The following FAM107B variants were observed in gnomAD, a reference collection of about 807,000 sequenced individuals.
FAM107B encodes the protein family with sequence similarity 107 member B.
Under a neutral mutation model 31.5 loss-of-function variants are expected in FAM107B, and 21 were observed. That is an observed-to-expected ratio of 0.67 (90% CI 0.47 to 0.96). The LOEUF is 0.96. FAM107B is among the 40% of genes least tolerant of loss of function. The pLI, the probability that FAM107B is intolerant of heterozygous loss-of-function variation, is 0.00. For missense variants in FAM107B, 452 were observed against 377.1 expected (o/e 1.20, Z -1.64); for synonymous variants, 157 against 141.5 (o/e 1.11, Z -0.78).
intron 1 of FAM107B, among the ~76,000 whole-genome samples, chr10:14,753,351 T>C (rs1169742441): frequency 6.6e-6 from 1 of 152,214 alleles, no homozygotes; most frequent in Non-Finnish European, 1.5e-5. Flanking sequence ...CAAGGAGTGA[T>C]GGATGGGAGC....
At chr10:14,587,130 C>G (rs1588636454) in intron 2 of FAM107B, among the ~76,000 whole-genome samples, 1 of 152,116 alleles carries the variant, frequency 6.6e-6, no homozygotes, top group South Asian at 2.1e-4. Context: ...TGATAATAGT[C>G]ACACTGCAGA....
chr10:14,534,276 G>A (rs556476109), intron 2 of FAM107B, among the ~76,000 whole-genome samples: 6 of 152,182 alleles, frequency 3.9e-5, no homozygotes, highest in East Asian at 3.9e-4. Context: ...GAACGGGCCG[G>A]AGCAACCCCC....
chr10:14,593,966 T>A lies in FAM107B; in HGVS notation c.470-63451A>T, dbSNP rs182198334. 1.8e-3 allele frequency among the ~76,000 whole-genome samples: 276 copies of A among 152,354 alleles called. 1 individual carries two copies. The highest frequency in any genetic ancestry group is 3.4e-3 in the Non-Finnish European group (229 of 68,038). Reference sequence around the variant, plus strand: ...GATAAACATGTTGAAAAATGCATGATGCCTAATTAAATTCCATTCATTAAT... The same window carrying A: ...GATAAACATGTTGAAAAATGCATGAAGCCTAATTAAATTCCATTCATTAAT... On this transcript the variant is annotated intron_variant, in intron 2 of 4. Transcript: ENST00000181796.
intron 1 of FAM107B, among the ~76,000 whole-genome samples, chr10:14,716,246 G>C (rs1033986885): frequency 6.6e-6 from 1 of 152,216 alleles, no homozygotes; most frequent in Non-Finnish European, 1.5e-5. Flanking sequence ...TAGTTGGGTG[G>C]TTCTAGCTTC....
At chr10:14,555,560 G>A (rs1412683781) in intron 2 of FAM107B, among the ~76,000 whole-genome samples, 2 of 152,170 alleles carry the variant, frequency 1.3e-5, no homozygotes, top group East Asian at 3.9e-4. Context: ...CACGCCATTA[G>A]CAAGAAATAA....
chr10:14,546,876 C>G (rs1482133530), intron 2 of FAM107B, among the ~76,000 whole-genome samples: 1 of 152,190 alleles, frequency 6.6e-6, no homozygotes, highest in East Asian at 1.9e-4. Flanking sequence ...GATGGGCCCA[C>G]ATTACTACCA....
At chr10:14,548,314 G>GGGGA in intron 2 of FAM107B, 1 of 572,828 alleles carries the variant, frequency 1.7e-6, no homozygotes, top group Non-Finnish European at 2.2e-6. Context: ...GGGGGTCCAG[G>GGGGA]GGGAGGCACA....
intron 2 of FAM107B, among the ~76,000 whole-genome samples, chr10:14,617,528 G>C (rs910062350): frequency 1.3e-5 from 2 of 152,168 alleles, no homozygotes; most frequent in African/African-American, 4.8e-5. Flanking sequence ...TGAAGCTTAA[G>C]ATATCCTAAT....
At chr10:14,691,186 C>T (rs1267183860) in intron 1 of FAM107B, among the ~76,000 whole-genome samples, 7 of 151,218 alleles carry the variant, frequency 4.6e-5, no homozygotes, top group African/African-American at 1.7e-4. Context: ...CAGGCATGAG[C>T]CCCCGTACCC....
At chr10:14,568,690 C>T (rs1850919926) in intron 2 of FAM107B, among the ~76,000 whole-genome samples, 1 of 152,228 alleles carries the variant, frequency 6.6e-6, no homozygotes, top group African/African-American at 2.4e-5. Context: ...TGGCTGATCT[C>T]TGGGTTAGAC....
chr10:14,602,586 A>G (rs970381326), intron 2 of FAM107B: 5 of 152,212 alleles, frequency 3.3e-5, no homozygotes, highest in African/African-American at 1.2e-4. Context: ...CGGTTGTACA[A>G]TCACTGCTAT....
At chr10:14,730,038 G>A (rs961465263) in intron 1 of FAM107B, among the ~76,000 whole-genome samples, 1 of 152,084 alleles carries the variant, frequency 6.6e-6, no homozygotes, top group Non-Finnish European at 1.5e-5. Context: ...AGGCCTGTTG[G>A]GGGGTTGGGG....
chr10:14,585,444 C>T (rs565718119), intron 2 of FAM107B, among the ~76,000 whole-genome samples: 1 of 152,280 alleles, frequency 6.6e-6, no homozygotes, highest in East Asian at 1.9e-4. Context: ...TCTCACCAGT[C>T]CCTGCCACCA....
chr10:14,638,283 GTT>G (rs34784437), intron 2 of FAM107B, among the ~76,000 whole-genome samples: 1 of 146,190 alleles, frequency 6.8e-6, no homozygotes, highest in South Asian at 2.1e-4. Flanking sequence ...GCCTGCTAAG[GTT>G]TTTTTTTTTT....
chr10:14,692,599 C>G (rs561929492), intron 1 of FAM107B, among the ~76,000 whole-genome samples: 2 of 152,294 alleles, frequency 1.3e-5, no homozygotes, highest in East Asian at 3.9e-4. Flanking sequence ...TGAACATACC[C>G]GTTTGTCATG....
chr10:14,661,476 T>G (rs1485719846), intron 2 of FAM107B: 5 of 152,268 alleles, frequency 3.3e-5, no homozygotes, highest in Admixed American at 3.3e-4. Flanking sequence ...CTCCTTCTTC[T>G]TTCTGTGTGA....
Position 14,725,109 on chromosome 10 carries a change from G to A in FAM107B, c.411+49144C>T, listed in dbSNP as rs998855390. Among the ~76,000 whole-genome samples the A allele has an allele frequency of 7.2e-5, 11 of 152,274 alleles. No homozygotes were observed. The South Asian group carries it at 1.7e-3, about 23-fold the overall frequency. On this transcript the variant is annotated intron_variant, in intron 1 of 4. Coordinates refer to ENST00000181796, the MANE Select transcript of FAM107B (RefSeq NM_031453.4). Reference sequence around the variant, plus strand: ...CCTGAGGACCAGATGCCTTTGGGTGGGGTTTTGTATTTGTAGATCCACAAG... The same window carrying A: ...CCTGAGGACCAGATGCCTTTGGGTGAGGTTTTGTATTTGTAGATCCACAAG...
At chr10:14,730,635 C>T (rs142738583) in intron 1 of FAM107B, among the ~76,000 whole-genome samples, 1 of 152,076 alleles carries the variant, frequency 6.6e-6, no homozygotes, top group Non-Finnish European at 1.5e-5. Flanking sequence ...TGATCTGGTT[C>T]GTGTTTACAA....
intron 2 of FAM107B, among the ~76,000 whole-genome samples, chr10:14,605,469 G>A (rs1379741637): frequency 1.3e-5 from 2 of 152,166 alleles, no homozygotes; most frequent in Non-Finnish European, 2.9e-5. Context: ...GCTTATTTAT[G>A]GGGAAATTTT....
Sources: gnomAD v4.1 joint callset for allele counts (sites outside exome capture counted in the v4.1 genomes callset) on GRCh38, gnomAD v4.1.1 for gene constraint, MANE v1.5 for transcripts, NCBI Gene and HGNC (gene_info 2026-07-23, HGNC 2026-07-21) for gene names.